The following RCAN1 variants were observed in gnomAD, a reference collection of about 807,000 sequenced individuals.
The protein encoded by RCAN1 is regulator of calcineurin 1.
In RCAN1, 11 loss-of-function variants were observed where a neutral mutation model predicts 22.9. The ratio of observed to expected loss-of-function variants is 0.48; its 90% CI spans 0.30 to 0.79. The LOEUF (loss-of-function observed/expected upper bound fraction) is 0.79, where lower values mean the gene tolerates loss of function less well. Among genes scored for constraint, RCAN1 ranks in the 30% least tolerant of loss-of-function variants. The pLI is 0.06. For missense variants in RCAN1, 291 were observed against 337.8 expected (o/e 0.86, Z 1.09); for synonymous variants, 136 against 142.3 (o/e 0.96, Z 0.32).
intron 1 of RCAN1, among the ~76,000 whole-genome samples, chr21:34,596,308 C>T (rs1248565414): frequency 6.6e-6 from 1 of 152,174 alleles, no homozygotes; most frequent in South Asian, 2.1e-4. Flanking sequence ...GTCTCTGTAG[C>T]GTGGTTCCCT....
At chr21:34,556,472 A>G (rs1334404526) in intron 1 of RCAN1, among the ~76,000 whole-genome samples, 1 of 150,484 alleles carries the variant, frequency 6.6e-6, no homozygotes, top group Non-Finnish European at 1.5e-5. Context: ...GTTTAAAATA[A>G]GGTCAGCACT....
intron 1 of RCAN1, chr21:34,560,155 G>A (rs1010912876): frequency 1.3e-5 from 2 of 152,176 alleles, no homozygotes; most frequent in African/African-American, 2.4e-5. Context: ...TTGCCTAAGC[G>A]AGCAAAAGAG....
At chr21:34,573,883 T>A (rs1319902866) in intron 1 of RCAN1, among the ~76,000 whole-genome samples, 3 of 152,176 alleles carry the variant, frequency 2.0e-5, no homozygotes, top group Non-Finnish European at 4.4e-5. Context: ...CTTTTCTAAT[T>A]AGAAAACCGT....
At chr21:34,596,569 C>T (rs1988163310) in intron 1 of RCAN1, among the ~76,000 whole-genome samples, 1 of 152,194 alleles carries the variant, frequency 6.6e-6, no homozygotes, top group Admixed American at 6.5e-5. Flanking sequence ...CCACGGCAGG[C>T]TGGGTTCTCG....
intron 1 of RCAN1, among the ~76,000 whole-genome samples, chr21:34,531,865 C>T (rs1985405373): frequency 6.6e-6 from 1 of 152,050 alleles, no homozygotes; most frequent in Non-Finnish European, 1.5e-5. Flanking sequence ...AGATTGAGTG[C>T]AGGCATGTCG....
At chr21:34,601,849 C>T (rs1048694887) in intron 1 of RCAN1, among the ~76,000 whole-genome samples, 35 of 150,680 alleles carry the variant, frequency 2.3e-4, no homozygotes, top group African/African-American at 8.0e-4. Flanking sequence ...AAGGTGAATG[C>T]TGTCCACATT....
At position 34,518,703 on chromosome 21, in the gene RCAN1, C is replaced by T. The variant is rs960176591; in HGVS notation, c.587-447G>A. On this transcript the variant is annotated intron_variant, in intron 3 of 3. Transcript: ENST00000313806. The surrounding 1 kb of genome is among the most constrained non-coding windows in gnomAD (Gnocchi z 4.2). The stretch of plus-strand genomic sequence containing the variant: ...GCTCCTATTTGAGGGTCGCAGTGCA[C>T]GCCCAGGAAGGGCGCCACAGGAGGC... Among the ~76,000 whole-genome samples, 7 of 152,190 alleles carry T rather than the reference C, an allele frequency of 4.6e-5. No individual in the cohort carries two copies. Among genetic ancestry groups the T allele is most frequent in the East Asian group, 3.9e-4 (2 of 5,178 alleles).
At chr21:34,603,473 C>T (rs1372290591) in intron 1 of RCAN1, among the ~76,000 whole-genome samples, 1 of 152,190 alleles carries the variant, frequency 6.6e-6, no homozygotes, top group African/African-American at 2.4e-5. Flanking sequence ...CAGAGTAAAA[C>T]CAGCAGGCTG....
At position 34,518,398 on chromosome 21, in the gene RCAN1, TG is replaced by T. The variant is rs1240350328; in HGVS notation, c.587-143del. On this transcript the variant is annotated intron_variant, in intron 3 of 3. Transcript: ENST00000313806. This position sits in a 1 kb window ranked among gnomAD's most constrained non-coding sequence, Gnocchi z 4.2. ...CTGAGAGACACAGCCAGACATATTT[TG>T]GGTTTGTATTTCTTTGCTAGCTCAT... 3.5e-6 allele frequency: 3 copies of T among 859,528 alleles called. No homozygotes were observed. The East Asian group carries it at 8.0e-5, about 23-fold the overall frequency. The allele number at this position is 859,528 out of a possible 1,614,324, so 53.2% of individuals were successfully genotyped here.
rs1984786189 is a variant in RCAN1 at position 34,523,709 on chromosome 21, G to A, written c.254C>T (p.Ala85Val). The part of the protein sequence containing the change: ...PRVFVDGLCR[A>V]KFESLFRTYD... The stretch of plus-strand genomic sequence containing the variant: ...CGTCCTAAAGAGGGACTCAAATTTG[G>A]CCTGAAAAATAACAATAAAAATAAA... The change falls in exon 2 of 4, where the codon GCC becomes GTC. Residue 85 changes from alanine (A) to valine (V), a missense_variant and splice_region_variant. By Grantham distance (64) the Ala-to-Val change is moderately conservative. Coordinates refer to ENST00000313806, the MANE Select transcript of RCAN1 (RefSeq NM_004414.7). The A allele has an allele frequency of 6.2e-7, 1 of 1,610,164 alleles. No homozygotes were observed. The highest frequency in any genetic ancestry group is 8.5e-7 in the Non-Finnish European group (1 of 1,178,430).
intron 1 of RCAN1, among the ~76,000 whole-genome samples, chr21:34,583,177 C>CTTTT (rs1568922372): frequency 9.3e-6 from 1 of 107,034 alleles, no homozygotes. Context: ...GGCGATAGGG[C>CTTTT]CTTTTTTTTT....
At chr21:34,547,595 A>C (rs1192707619) in intron 1 of RCAN1, among the ~76,000 whole-genome samples, 2 of 152,206 alleles carry the variant, frequency 1.3e-5, no homozygotes, top group Non-Finnish European at 2.9e-5. Context: ...CCATTTTAAC[A>C]GTGTTGAGAG....
intron 1 of RCAN1, among the ~76,000 whole-genome samples, chr21:34,567,699 G>C (rs1345450785): frequency 2.0e-5 from 3 of 152,102 alleles, no homozygotes; most frequent in Non-Finnish European, 4.4e-5. Flanking sequence ...CTTCGGTCTA[G>C]TTACTGACTG....
At chr21:34,524,508 GA>G (rs1984862855) in intron 1 of RCAN1, 1 of 152,160 alleles carries the variant, frequency 6.6e-6, no homozygotes. Flanking sequence ...CAGCTAATTT[GA>G]AAAAAAGAAA....
intron 1 of RCAN1, among the ~76,000 whole-genome samples, chr21:34,543,145 G>A (rs1156775466): frequency 6.6e-6 from 1 of 152,254 alleles, no homozygotes; most frequent in African/African-American, 2.4e-5. Flanking sequence ...ATAGGTGTGG[G>A]CCTCAGACTA....
chr21:34,585,243 A>G (rs1340104852), intron 1 of RCAN1, among the ~76,000 whole-genome samples: 2 of 152,238 alleles, frequency 1.3e-5, no homozygotes, highest in African/African-American at 4.8e-5. Flanking sequence ...AAAAAGAAAC[A>G]CATTTATAAG....
chr21:34,581,845 T>C (rs144734140), intron 1 of RCAN1, among the ~76,000 whole-genome samples: 1 of 152,344 alleles, frequency 6.6e-6, no homozygotes, highest in African/African-American at 2.4e-5. Flanking sequence ...GGCTCTACAG[T>C]ACTCTTGCAA....
intron 1 of RCAN1, among the ~76,000 whole-genome samples, chr21:34,573,587 C>T (rs1953514539): frequency 6.6e-6 from 1 of 152,202 alleles, no homozygotes; most frequent in Admixed American, 6.5e-5. Context: ...CTTATGACCC[C>T]AAGTCTTCAG....
intron 1 of RCAN1, among the ~76,000 whole-genome samples, chr21:34,571,400 C>T (rs531787633): frequency 1.0e-3 from 159 of 152,292 alleles, no homozygotes; most frequent in African/African-American, 3.7e-3. Context: ...AAAGTTACCA[C>T]TTAAAATCAA....
Sources: allele counts gnomAD v4.1 joint callset (sites outside exome capture counted in the v4.1 genomes callset), GRCh38; gene constraint gnomAD v4.1.1; non-coding constraint Gnocchi (gnomAD v3.1); transcripts MANE v1.5; gene names NCBI Gene and HGNC (gene_info 2026-07-23, HGNC 2026-07-21).